CUL4A: variants seen among roughly 807,000 people sequenced by gnomAD.
The protein encoded by CUL4A is cullin-4A.
In CUL4A, 16 loss-of-function variants were observed where a neutral mutation model predicts 95.5. The observed-to-expected ratio is 0.17, with a 90% confidence interval of 0.11 to 0.25. The LOEUF is 0.25. Among genes scored for constraint, CUL4A ranks in the 10% least tolerant of loss-of-function variants. The pLI, the probability that CUL4A is intolerant of heterozygous loss-of-function variation, is 1.00. For missense variants in CUL4A, 610 were observed against 937.0 expected (o/e 0.65, Z 4.56); for synonymous variants, 380 against 353.1 (o/e 1.08, Z -0.85).
At chr13:113,208,283 C>A (rs553602049), upstream of CUL4A, 2 of 1,432,708 alleles carry the variant, frequency 1.4e-6, no homozygotes, top group African/African-American at 1.4e-5. Context: ...CCCTTCGGAC[C>A]GCCTGGGAGC....
At chr13:113,230,902 C>T (rs2041288392) in intron 5 of CUL4A, among the ~76,000 whole-genome samples, 1 of 152,076 alleles carries the variant, frequency 6.6e-6, no homozygotes, top group Non-Finnish European at 1.5e-5. Context: ...TCCCCTGTAG[C>T]TGGGACTATA....
At chr13:113,233,067 T>C (rs2041413299) in intron 5 of CUL4A, 110 bp from the exon 6 acceptor site, 5 of 1,162,896 alleles carry the variant, frequency 4.3e-6, no homozygotes, top group Non-Finnish European at 4.8e-6. Flanking sequence ...ATGTAGAGAA[T>C]TAGCAACTTC....
chr13:113,212,692 G>C (rs1055641312), intron 2 of CUL4A, among the ~76,000 whole-genome samples: 1 of 152,202 alleles, frequency 6.6e-6, no homozygotes, highest in East Asian at 1.9e-4. Context: ...GGCTGAGGCC[G>C]GAGAATCGCT....
At chr13:113,241,809 A>G (rs1168871423) in intron 10 of CUL4A, among the ~76,000 whole-genome samples, 2 of 151,516 alleles carry the variant, frequency 1.3e-5, no homozygotes, top group East Asian at 4.0e-4. Context: ...CACTGCGCCC[A>G]GCCTTCTCTT....
chr13:113,242,276 A>G (rs1159651619), intron 10 of CUL4A, among the ~76,000 whole-genome samples: 1 of 152,162 alleles, frequency 6.6e-6, no homozygotes, highest in African/African-American at 2.4e-5. Context: ...AACAAAAAAA[A>G]AAAAGTACAA....
At chr13:113,248,016 T>C (rs1042013249) in intron 15 of CUL4A, among the ~76,000 whole-genome samples, 3 of 152,144 alleles carry the variant, frequency 2.0e-5, no homozygotes, top group African/African-American at 7.2e-5. Flanking sequence ...ATCAGGATCC[T>C]GGCGGGAGGT....
chr13:113,232,806 G>A lies in CUL4A; in HGVS notation c.513-371G>A, dbSNP rs1535598. ...CCTGAGGGCTGTTGGAGACGGTGGC[G>A]GGAGGGGCAGGTGGGGCAGGCAGGG... On this transcript the variant is annotated intron_variant, in intron 5 of 19. Transcript: ENST00000375440. Among the ~76,000 whole-genome samples the A allele has an allele frequency of 0.015, 2,337 of 152,232 alleles. 158 individuals carry two copies. The East Asian group carries it at 0.2, about 13-fold the overall frequency.
chr13:113,208,358 C>A, upstream of CUL4A: 2 of 1,432,834 alleles, frequency 1.4e-6, no homozygotes, highest in Non-Finnish European at 1.8e-6. Context: ...TACACCGCGA[C>A]GACTCCGCGA....
intron 3 of CUL4A, among the ~76,000 whole-genome samples, chr13:113,224,824 G>C (rs2041041724): frequency 1.3e-5 from 2 of 152,334 alleles, no homozygotes; most frequent in South Asian, 4.1e-4. Context: ...TGCTCGGCCA[G>C]ATCAGAGGAG....
chr13:113,209,998 C>T lies in CUL4A; in HGVS notation c.174C>T (p.Tyr58=). ...FRDRPRLPDN[Y]TQDTWRKLHE... ...ACAGACCTCGGCTGCCCGACAACTACACGCAGGACACGTGGCGGAAGCTGC... is the reference window on the plus strand; with the variant it reads ...ACAGACCTCGGCTGCCCGACAACTATACGCAGGACACGTGGCGGAAGCTGC... Residue 58 remains tyrosine, a synonymous_variant, in exon 2 of 20, where the codon TAC becomes TAT. Coordinates refer to ENST00000375440, the MANE Select transcript of CUL4A (RefSeq NM_001008895.4). The T allele has an allele frequency of 3.3e-6, 5 of 1,520,390 alleles. No individual in the cohort carries two copies. Among genetic ancestry groups the T allele is most frequent in the Non-Finnish European group, 4.4e-6 (5 of 1,134,882 alleles). The allele number at this position is 1,520,390 out of a possible 1,614,324, so 94.2% of individuals were successfully genotyped here.
At chr13:113,257,049 C>T (rs771042168) in intron 18 of CUL4A, among the ~76,000 whole-genome samples, 20 of 147,920 alleles carry the variant, frequency 1.4e-4, no homozygotes, top group South Asian at 4.4e-4. Flanking sequence ...CTCAGCCTCT[C>T]GAGTAGCTGG....
chr13:113,218,431 G>A (rs1431718558), intron 2 of CUL4A, among the ~76,000 whole-genome samples: 1 of 152,160 alleles, frequency 6.6e-6, no homozygotes, highest in African/African-American at 2.4e-5. Flanking sequence ...TGAGGGGAAG[G>A]CCCAGCCTGT....
chr13:113,214,719 T>C (rs1392893152), intron 2 of CUL4A, among the ~76,000 whole-genome samples: 1 of 152,142 alleles, frequency 6.6e-6, no homozygotes, highest in Non-Finnish European at 1.5e-5. Flanking sequence ...CTTCATGACA[T>C]GTTGATACCA....
At chr13:113,239,641 G>T in intron 10 of CUL4A, 90 bp downstream of exon 10, 1 of 933,716 alleles carries the variant, frequency 1.1e-6, no homozygotes, top group Non-Finnish European at 1.6e-6. Context: ...CCTGGCAAAG[G>T]GAACTGGGCT....
At chr13:113,258,818 C>T (rs2042197931) in intron 18 of CUL4A, among the ~76,000 whole-genome samples, 1 of 152,186 alleles carries the variant, frequency 6.6e-6, no homozygotes, top group Admixed American at 6.5e-5. Flanking sequence ...ACTAGCTTTG[C>T]TCAGGAACTG....
At chr13:113,260,513 G>A in intron 18 of CUL4A, 94 bp from the exon 19 acceptor site, 1 of 1,130,840 alleles carries the variant, frequency 8.8e-7, no homozygotes, top group Non-Finnish European at 1.3e-6. Flanking sequence ...TCACACCATT[G>A]CACTCTAGCC....
At chr13:113,230,539 A>G (rs1261884833) in intron 5 of CUL4A, among the ~76,000 whole-genome samples, 1 of 152,218 alleles carries the variant, frequency 6.6e-6, no homozygotes, top group Non-Finnish European at 1.5e-5. Flanking sequence ...CAGAAAAGAC[A>G]GCCTGTGTTC....
intron 10 of CUL4A, 30 bp from the exon 11 acceptor site, chr13:113,242,938 T>G: frequency 6.4e-7 from 1 of 1,565,168 alleles, no homozygotes; most frequent in Non-Finnish European, 8.8e-7. Flanking sequence ...GTAAACATGT[T>G]GCTGAGTTGG....
At chr13:113,208,817 G>T (rs2040182363), upstream of CUL4A, 2 of 1,410,352 alleles carry the variant, frequency 1.4e-6, no homozygotes, top group African/African-American at 3.0e-5. Flanking sequence ...GGGGCCCGGG[G>T]TCTTTCTGCC....
Sources: gnomAD v4.1 joint callset for allele counts (sites outside exome capture counted in the v4.1 genomes callset) on GRCh38, gnomAD v4.1.1 for gene constraint, MANE v1.5 for transcripts, NCBI Gene and HGNC (gene_info 2026-07-23, HGNC 2026-07-21) for gene names.